TERF2IP: variants seen among roughly 807,000 people sequenced by gnomAD.
TERF2IP encodes TERF2 interacting protein.
In TERF2IP, 35 loss-of-function variants were observed where a neutral mutation model predicts 33.3. That is an observed-to-expected ratio of 1.05 (90% CI 0.80 to 1.39). The LOEUF (loss-of-function observed/expected upper bound fraction) is 1.39, where lower values mean the gene tolerates loss of function less well. Among genes scored for constraint, TERF2IP ranks in the 40% most tolerant of loss-of-function variants. TERF2IP has a pLI of 0.00. For missense variants in TERF2IP, 583 were observed against 524.8 expected (o/e 1.11, Z -1.08); for synonymous variants, 253 against 223.2 (o/e 1.13, Z -1.19).
intron 2 of TERF2IP, among the ~76,000 whole-genome samples, 172 bp from the exon 3 acceptor site, chr16:75,656,035 A>G (rs1004947159): frequency 1.3e-5 from 2 of 152,114 alleles, no homozygotes; most frequent in African/African-American, 4.8e-5. Flanking sequence ...ATATACATAC[A>G]CATCTGACAT....
chr16:75,652,912 C>T (rs1240656108), intron 1 of TERF2IP, among the ~76,000 whole-genome samples: 1 of 152,062 alleles, frequency 6.6e-6, no homozygotes, highest in African/African-American at 2.4e-5. Context: ...AACACTAATT[C>T]CCCATTTCTC....
intron 1 of TERF2IP, among the ~76,000 whole-genome samples, chr16:75,654,003 CTT>C (rs902646480): frequency 3.3e-5 from 5 of 152,034 alleles, no homozygotes; most frequent in Non-Finnish European, 7.4e-5. Flanking sequence ...ATGAATTAAA[CTT>C]GAGCATTTTT....
chr16:75,649,998 A>G (rs975768022), intron 1 of TERF2IP, among the ~76,000 whole-genome samples: 5 of 152,184 alleles, frequency 3.3e-5, no homozygotes, highest in Non-Finnish European at 4.4e-5. Flanking sequence ...TAACACTTGA[A>G]GTCTGGGGAG....
intron 2 of TERF2IP, among the ~76,000 whole-genome samples, chr16:75,654,984 T>A (rs959939170): frequency 2.0e-5 from 3 of 152,146 alleles, no homozygotes; most frequent in African/African-American, 7.2e-5. Flanking sequence ...CGCCTTGGCC[T>A]CCCAAAGTGC....
At chr16:75,649,533 G>C (rs1024475449) in intron 1 of TERF2IP, among the ~76,000 whole-genome samples, 3 of 146,704 alleles carry the variant, frequency 2.0e-5, no homozygotes, top group Non-Finnish European at 4.4e-5. Context: ...GACAGAGCAA[G>C]ACTCCATCTC....
rs370337581 is a variant in TERF2IP, at chr16:75,654,294, C to T, written c.692C>T (p.Pro231Leu). 6.2e-7 allele frequency: 1 copy of T among 1,613,500 alleles called. No individual in the cohort carries two copies. The highest frequency in any genetic ancestry group is 8.5e-7 in the Non-Finnish European group (1 of 1,179,694). ...ACAGAACCACAGAATAAGAGAACTC[C>T]AGATTTGCCTGAAGAAGAGTATGTG... Reference protein sequence around the residue: ...DSGEPQNKRTPDLPEEEYVKE... With the variant: ...DSGEPQNKRTLDLPEEEYVKE... The change falls in exon 2 of 3, where the codon CCA becomes CTA. Residue 231 changes from proline (P) to leucine (L), a missense_variant. Pro to Leu is a moderately conservative substitution (Grantham distance 98). Coordinates refer to ENST00000300086, the MANE Select transcript of TERF2IP (RefSeq NM_018975.4).
chr16:75,653,469 G>A (rs1487323930), intron 1 of TERF2IP, among the ~76,000 whole-genome samples: 1 of 152,112 alleles, frequency 6.6e-6, no homozygotes, highest in Non-Finnish European at 1.5e-5. Context: ...ATTCCATCAC[G>A]AAAAACTCCC....
chr16:75,654,106 T>A (rs2082366509), intron 1 of TERF2IP, among the ~76,000 whole-genome samples, 167 bp from the exon 2 acceptor site: 1 of 147,650 alleles, frequency 6.8e-6, no homozygotes, highest in African/African-American at 2.5e-5. Flanking sequence ...CGTCCTAGGC[T>A]TTTTTTACCC....
In TERF2IP at chr16:75,656,481, A is replaced by T. The variant is rs765960064; in HGVS notation, c.1070A>T (p.Asp357Val). 1.9e-6 allele frequency: 3 copies of T among 1,614,242 alleles called. No homozygotes were observed. The highest frequency in any genetic ancestry group is 2.5e-6 in the Non-Finnish European group (3 of 1,180,054). The change falls in exon 3 of 3, where the codon GAT becomes GTT. Residue 357 changes from aspartate to valine, a missense_variant. Physicochemically the swap from Asp to Val is radical, Grantham distance 152. Coordinates refer to ENST00000300086, the MANE Select transcript of TERF2IP (RefSeq NM_018975.4). ...SAFLASGQRA[D>V]GYPIWSRQDD... ...TTCTTAGCGTCTGGTCAGAGAGCTGATGGATATCCCATTTGGTCCCGACAA... is the reference window on the plus strand; with the variant it reads ...TTCTTAGCGTCTGGTCAGAGAGCTGTTGGATATCCCATTTGGTCCCGACAA...
rs1471266692 is a variant in TERF2IP at position 75,656,398 on chromosome 16, A to G, written c.987A>G (p.Leu329=). The change falls in exon 3 of 3, where the codon CTA becomes CTG. Residue 329 remains leucine, a synonymous_variant. Transcript: ENST00000300086. ...RQLMEKFNLD[L]STVTQAFLKN... The stretch of plus-strand genomic sequence containing the variant: ...TAATGGAGAAGTTTAACTTGGATCT[A>G]TCAACAGTTACACAGGCCTTCCTAA... 1.2e-6 allele frequency: 2 copies of G among 1,614,110 alleles called. No homozygotes were observed. Among genetic ancestry groups the G allele is most frequent in the African/African-American group, 2.7e-5 (2 of 74,938 alleles).
At position 75,654,396 on chromosome 16, in the gene TERF2IP, T is replaced by C. The variant is rs1207296328; in HGVS notation, c.794T>C (p.Val265Ala). 1 of 1,612,770 alleles carries C rather than the reference T, an allele frequency of 6.2e-7. No homozygotes were observed. Among genetic ancestry groups the C allele is most frequent in the Non-Finnish European group, 8.5e-7 (1 of 1,179,130 alleles). The part of the protein sequence containing the change: ...VEATREFEEV[V>A]VDESPPDFEI... ...GCCACCCGGGAGTTTGAGGAGGTTG[T>C]GGTATGTTAACTAGATTTACTCATT... The change falls in exon 2 of 3, where the codon GTG becomes GCG. Residue 265 changes from valine (V) to alanine (A), a missense_variant and splice_region_variant. Transcript: ENST00000300086.
In TERF2IP at chr16:75,647,963, C is replaced by G. The variant is rs774162297; in HGVS notation, c.81C>G (p.Ser27Arg). Residue 27 changes from serine to arginine, a missense_variant, in exon 1 of 3, where the codon AGC (serine) becomes AGG (arginine). Transcript: ENST00000300086. ...CTCTGTTCGTGAGGGACGACGGCAG[C>G]TCCATGTCCTTCTACGTGCGGCCCA... ...SSTLFVRDDGSSMSFYVRPSP... is the reference protein window; with the variant it reads ...SSTLFVRDDGRSMSFYVRPSP... The G allele has an allele frequency of 2.9e-5, 46 of 1,613,718 alleles. No homozygotes were observed. In the South Asian group the frequency reaches 4.8e-4, roughly 17 times the overall value.
At chr16:75,654,856 G>A (rs2082373054) in intron 2 of TERF2IP, among the ~76,000 whole-genome samples, 1 of 152,012 alleles carries the variant, frequency 6.6e-6, no homozygotes, top group Non-Finnish European at 1.5e-5. Flanking sequence ...AGCCTCCCGA[G>A]TAGCTGGGAC....
chr16:75,650,235 G>A (rs772364917), intron 1 of TERF2IP, among the ~76,000 whole-genome samples: 10 of 152,296 alleles, frequency 6.6e-5, no homozygotes, highest in Admixed American at 1.3e-4. Flanking sequence ...TTGGGGAGGA[G>A]GTTTTTCCTA....
At chr16:75,648,716 C>T (rs1322075771) in intron 1 of TERF2IP, 164 bp downstream of exon 1, 62 of 1,430,364 alleles carry the variant, frequency 4.3e-5, no homozygotes, top group Non-Finnish European at 5.7e-5. Context: ...CTTCTCGCTC[C>T]CTTGTTGTTT....
rs751932544 is a variant in TERF2IP at position 75,648,004 on chromosome 16, G to A, written c.122G>A (p.Arg41Gln). ...FYVRPSPAKR[R>Q]LSTLILHGGG... ...GTGCGGCCCAGCCCGGCCAAGCGTC[G>A]GCTGTCGACGCTCATCCTGCACGGC... The change falls in exon 1 of 3, where the codon CGG becomes CAG. Residue 41 changes from arginine (R) to glutamine (Q), a missense_variant. Coordinates refer to ENST00000300086, the MANE Select transcript of TERF2IP (RefSeq NM_018975.4). 6.2e-6 allele frequency: 10 copies of A among 1,613,040 alleles called. No individual in the cohort carries two copies. Among genetic ancestry groups the A allele is most frequent in the African/African-American group, 1.3e-5 (1 of 74,942 alleles).
chr16:75,653,677 C>T (rs1597188054), intron 1 of TERF2IP, among the ~76,000 whole-genome samples: 1 of 152,182 alleles, frequency 6.6e-6, no homozygotes, highest in East Asian at 1.9e-4. Context: ...GCCCAAACTC[C>T]TGTCTTCTTA....
intron 2 of TERF2IP, among the ~76,000 whole-genome samples, chr16:75,655,140 C>T (rs2082375571): frequency 6.6e-6 from 1 of 152,246 alleles, no homozygotes; most frequent in Non-Finnish European, 1.5e-5. Flanking sequence ...CCTCAGCCTC[C>T]TGGGTAACTG....
rs767622383 is a variant in TERF2IP, at chr16:75,654,350, G to A, written c.748G>A (p.Val250Ile). Residue 250 changes from valine to isoleucine, a missense_variant, in exon 2 of 3, where the codon GTC (valine) becomes ATC (isoleucine). By Grantham distance (29) the Val-to-Ile change is conservative (BLOSUM62 3). Coordinates refer to ENST00000300086, the MANE Select transcript of TERF2IP (RefSeq NM_018975.4). Reference protein sequence around the residue: ...KEEIQENEEAVKKMLVEATRE... With the variant: ...KEEIQENEEAIKKMLVEATRE... ...AGAAATCCAGGAGAATGAAGAAGCA[G>A]TCAAAAAGATGCTTGTGGAAGCCAC... is the stretch of plus-strand genomic sequence containing the variant. 6 of 1,613,964 alleles carry A rather than the reference G, an allele frequency of 3.7e-6. No individual in the cohort carries two copies. The Admixed American group carries it at 1.0e-4, about 27-fold the overall frequency.
Sources: gnomAD v4.1 joint callset for allele counts (sites outside exome capture counted in the v4.1 genomes callset) on GRCh38, gnomAD v4.1.1 for gene constraint, MANE v1.5 for transcripts, NCBI Gene and HGNC (gene_info 2026-07-23, HGNC 2026-07-21) for gene names.